GPR137C: variants seen among roughly 807,000 people sequenced by gnomAD.
GPR137C encodes the protein G protein-coupled receptor 137C, also known as integral membrane protein GPR137C.
Under a neutral mutation model 43.4 loss-of-function variants are expected in GPR137C, and 27 were observed. The observed-to-expected ratio is 0.62, with a 90% CI of 0.46 to 0.86. GPR137C has a LOEUF of 0.86. Among genes scored for constraint, GPR137C ranks in the 40% least tolerant of loss-of-function variants. The pLI is 0.00. For synonymous variants in GPR137C, 285 were observed against 226.9 expected, an observed-to-expected ratio of 1.26 and a Z score of -2.30; for missense variants, 522 against 534.6, an observed-to-expected ratio of 0.98 and a Z score of 0.23.
At chr14:52,583,803 T>C (rs1799133979) in intron 1 of GPR137C, among the ~76,000 whole-genome samples, 1 of 152,210 alleles carries the variant, frequency 6.6e-6, no homozygotes, top group Non-Finnish European at 1.5e-5. Context: ...ATATGATCTT[T>C]CTCAAAACCC....
chr14:52,578,044 A>G (rs1329648464), intron 1 of GPR137C, among the ~76,000 whole-genome samples: 3 of 152,300 alleles, frequency 2.0e-5, no homozygotes, highest in Admixed American at 6.5e-5. Flanking sequence ...GAACATCTCT[A>G]TACAATTCTG....
intron 1 of GPR137C, among the ~76,000 whole-genome samples, chr14:52,555,997 A>T (rs972112031): frequency 2.6e-5 from 4 of 152,146 alleles, no homozygotes; most frequent in Non-Finnish European, 5.9e-5. Context: ...CCCATTGATC[A>T]TTCTGAATTA....
At chr14:52,577,514 G>GCACACACACACACACACACACA (rs752625898) in intron 1 of GPR137C, among the ~76,000 whole-genome samples, 13 of 118,470 alleles carry the variant, frequency 1.1e-4, no homozygotes, top group Non-Finnish European at 1.8e-4. Flanking sequence ...GTGCGCGCGC[G>GCACACACACACACACACACACA]CGCACACACA....
At chr14:52,579,776 C>T (rs1489100717) in intron 1 of GPR137C, among the ~76,000 whole-genome samples, 1 of 152,204 alleles carries the variant, frequency 6.6e-6, no homozygotes, top group African/African-American at 2.4e-5. Context: ...TGTAACAACA[C>T]ATGTGAGATG....
chr14:52,553,229 G>A lies in GPR137C; in HGVS notation c.82G>A (p.Gly28Arg). ...REPSTPGGGSGGGGAVAAASG... is the reference protein window; with the variant it reads ...REPSTPGGGSRGGGAVAAASG... ...GCCCTCCACGCCCGGCGGGGGCAGCGGAGGCGGAGGCGCCGTCGCTGCAGC... is the reference window on the plus strand; with the variant it reads ...GCCCTCCACGCCCGGCGGGGGCAGCAGAGGCGGAGGCGCCGTCGCTGCAGC... Residue 28 changes from glycine to arginine, a missense_variant, in exon 1 of 7, where the codon GGA (glycine) becomes AGA (arginine). Physicochemically the swap from Gly to Arg is moderately radical, Grantham distance 125 (BLOSUM62 -2). Around this residue, in one of 3 missense-constraint regions of GPR137C, gnomAD observed 437 missense variants for 425.7 expected, o/e 1.03. Coordinates refer to ENST00000321662, the MANE Select transcript of GPR137C (RefSeq NM_001099652.2). 1 of 1,289,052 alleles carries A rather than the reference G, an allele frequency of 7.8e-7. No homozygotes were observed. The highest frequency in any genetic ancestry group is 2.4e-5 in the South Asian group (1 of 40,888). 79.9% of individuals were successfully genotyped at this position (1,289,052 alleles called of 1,614,324 possible). A position where few individuals can be genotyped will look rare whatever the true frequency, so the allele number is the denominator to read the frequency against.
At chr14:52,585,433 G>T (rs1044917010) in intron 1 of GPR137C, among the ~76,000 whole-genome samples, 1 of 151,876 alleles carries the variant, frequency 6.6e-6, no homozygotes, top group Non-Finnish European at 1.5e-5. Context: ...CTTCTACTTC[G>T]CCCTCTATTT....
intron 1 of GPR137C, among the ~76,000 whole-genome samples, chr14:52,555,976 C>G (rs1330817610): frequency 6.6e-6 from 1 of 152,138 alleles, no homozygotes; most frequent in South Asian, 2.1e-4. Flanking sequence ...CAGATAACTG[C>G]AAGTATACTT....
chr14:52,625,633 C>T (rs1486129926), intron 3 of GPR137C, among the ~76,000 whole-genome samples: 1 of 129,150 alleles, frequency 7.7e-6, no homozygotes, highest in Non-Finnish European at 1.6e-5. Context: ...CGGCTCACTG[C>T]AATCTCCGCC....
chr14:52,585,004 A>G (rs921528408), intron 1 of GPR137C, among the ~76,000 whole-genome samples: 1 of 152,154 alleles, frequency 6.6e-6, no homozygotes, highest in African/African-American at 2.4e-5. Flanking sequence ...CTGTTTCTCA[A>G]TATATTCTTT....
intron 3 of GPR137C, chr14:52,613,391 C>T (rs983854474): frequency 3.9e-5 from 6 of 152,114 alleles, no homozygotes; most frequent in Non-Finnish European, 7.3e-5. Context: ...TTTTAGAATA[C>T]ACAATTAAAT....
chr14:52,614,191 G>A (rs2039071077), intron 3 of GPR137C, among the ~76,000 whole-genome samples: 1 of 150,972 alleles, frequency 6.6e-6, no homozygotes, highest in East Asian at 1.9e-4. Flanking sequence ...CATGATCTCA[G>A]CTCCCCGCAG....
intron 3 of GPR137C, among the ~76,000 whole-genome samples, chr14:52,613,894 G>A (rs1225724219): frequency 6.6e-6 from 1 of 152,070 alleles, no homozygotes; most frequent in Non-Finnish European, 1.5e-5. Flanking sequence ...TGGATTGTAT[G>A]GTAGCTCTGT....
chr14:52,565,300 T>C lies in GPR137C; in HGVS notation c.444+11709T>C, dbSNP rs112090674. ...TTCTTCTCCTCCTCTTCCTCCTCCT[T>C]CTCATAGGAATAAAACAACTAAATA... is the stretch of plus-strand genomic sequence containing the variant. On this transcript the variant is annotated intron_variant, in intron 1 of 6. Coordinates refer to ENST00000321662, the MANE Select transcript of GPR137C (RefSeq NM_001099652.2). 6.9e-3 allele frequency among the ~76,000 whole-genome samples: 1,058 copies of C among 152,294 alleles called. 15 individuals are homozygous for C. Among genetic ancestry groups the C allele is most frequent in the African/African-American group, 0.024 (989 of 41,560 alleles).
chr14:52,572,095 G>A (rs535878560), intron 1 of GPR137C, among the ~76,000 whole-genome samples: 1 of 152,242 alleles, frequency 6.6e-6, no homozygotes, highest in Non-Finnish European at 1.5e-5. Context: ...TGAAATTGAG[G>A]CAATAATTAA....
chr14:52,561,596 A>T (rs1480177915), intron 1 of GPR137C, among the ~76,000 whole-genome samples: 1 of 152,116 alleles, frequency 6.6e-6, no homozygotes, highest in Non-Finnish European at 1.5e-5. Flanking sequence ...ATCAGAAATG[A>T]ATGAATGAAC....
chr14:52,588,868 T>G (rs1474006229), intron 1 of GPR137C, among the ~76,000 whole-genome samples: 2 of 152,204 alleles, frequency 1.3e-5, no homozygotes, highest in African/African-American at 4.8e-5. Context: ...ATTGAAGTAC[T>G]TAGGGCAAAG....
intron 3 of GPR137C, among the ~76,000 whole-genome samples, chr14:52,614,194 C>A (rs950187566): frequency 1.3e-5 from 2 of 151,358 alleles, no homozygotes; most frequent in African/African-American, 4.9e-5. Flanking sequence ...GATCTCAGCT[C>A]CCCGCAGCCT....
intron 1 of GPR137C, among the ~76,000 whole-genome samples, chr14:52,588,526 ACAT>A (rs2038740669): frequency 1.3e-5 from 2 of 152,244 alleles, no homozygotes; most frequent in African/African-American, 4.8e-5. Context: ...AGAGAATGCA[ACAT>A]CATCACTTCT....
Position 52,634,922 on chromosome 14 carries a change from C to CT in GPR137C, c.1113-8dup, listed in dbSNP as rs761948230. 819 of 1,602,910 alleles carry CT rather than the reference C, an allele frequency of 5.1e-4. No homozygotes were observed. Among genetic ancestry groups the CT allele is most frequent in the Non-Finnish European group, 6.4e-4 (746 of 1,173,644 alleles). On this transcript the variant is annotated splice_polypyrimidine_tract_variant and intron_variant, in intron 6 of 6. Coordinates refer to ENST00000321662, the MANE Select transcript of GPR137C (RefSeq NM_001099652.2). ...GATCATAGTCCTATGGTCTTTTTGC[C>CT]TTTTTTTTGTTGCAGTTTACCAAAT...
Sources: allele counts gnomAD v4.1 joint callset (sites outside exome capture counted in the v4.1 genomes callset), GRCh38; gene constraint gnomAD v4.1.1; regional missense constraint gnomAD v4.1.1; transcripts MANE v1.5; gene names NCBI Gene and HGNC (gene_info 2026-07-23, HGNC 2026-07-21).